Variants in OSBPL10 observed in about 807,000 individuals in gnomAD.
OSBPL10 encodes oxysterol binding protein like 10.
Under a neutral mutation model 81.7 loss-of-function variants are expected in OSBPL10, and 49 were observed. The ratio of observed to expected loss-of-function variants is 0.60; its 90% CI spans 0.48 to 0.76. OSBPL10 has a LOEUF of 0.76. Ranked by LOEUF, OSBPL10 falls within the 30% of genes least tolerant of loss-of-function variation. The pLI, the probability that OSBPL10 is intolerant of heterozygous loss-of-function variation, is 0.00. For missense variants in OSBPL10, 923 were observed against 987.8 expected (o/e 0.93, Z 0.88); for synonymous variants, 419 against 383.6 (o/e 1.09, Z -1.08).
chr3:31,879,999 G>A (rs1277320893), intron 1 of OSBPL10, among the ~76,000 whole-genome samples, 169 bp from the exon 2 acceptor site: 6 of 152,188 alleles, frequency 3.9e-5, no homozygotes, highest in Admixed American at 3.3e-4. Flanking sequence ...AGTAGGGAGA[G>A]AGCACTGGAT....
At chr3:31,917,838 T>TAGTTA (rs966481630) in intron 1 of OSBPL10, among the ~76,000 whole-genome samples, 1 of 151,602 alleles carries the variant, frequency 6.6e-6, no homozygotes, top group Non-Finnish European at 1.5e-5. Context: ...TTATCAGCCT[T>TAGTTA]AGTTAAGGTG....
At chr3:31,897,900 A>G (rs4635746) in intron 1 of OSBPL10, among the ~76,000 whole-genome samples, 91,854 of 150,386 alleles carry the variant, frequency 0.61, 28,733 homozygotes, top group East Asian at 0.8. Context: ...CCCAGCTACT[A>G]GGGAGGCTGA....
At chr3:32,010,798 C>T (rs1030452708) in intron 2 of OSBPL10, among the ~76,000 whole-genome samples, 5 of 152,208 alleles carry the variant, frequency 3.3e-5, no homozygotes, top group African/African-American at 4.8e-5. Flanking sequence ...GATTACATCC[C>T]GTGCCTGGCT....
intron 4 of OSBPL10, among the ~76,000 whole-genome samples, chr3:31,782,102 T>C (rs1698711654): frequency 6.6e-6 from 1 of 152,032 alleles, no homozygotes; most frequent in South Asian, 2.1e-4. Context: ...TATAAAAATA[T>C]GCACATAGAC....
intron 1 of OSBPL10, among the ~76,000 whole-genome samples, chr3:32,069,584 G>A (rs534353986): frequency 2.0e-5 from 3 of 152,260 alleles, no homozygotes; most frequent in South Asian, 2.1e-4. Context: ...CCAGAAGGCC[G>A]CCTTATTCTT....
rs1316556863 is a variant in OSBPL10 at position 31,748,018 on chromosome 3, G to A, written c.832C>T (p.Leu278=). ...AGGGTGGCAGCAGAGGTAGCTTTCAGGAGCAGCAGGTCCTGGTCCAAGGCA... is the reference window on the plus strand; with the variant it reads ...AGGGTGGCAGCAGAGGTAGCTTTCAAGAGCAGCAGGTCCTGGTCCAAGGCA... ...LTALDQDLLL[L]KATSAATLSC... Residue 278 remains leucine, a synonymous_variant, in exon 5 of 12, where the codon CTG becomes TTG. Coordinates refer to ENST00000396556, the MANE Select transcript of OSBPL10 (RefSeq NM_017784.5). 1.2e-6 allele frequency: 2 copies of A among 1,614,068 alleles called. No individual in the cohort carries two copies. The highest frequency in any genetic ancestry group is 1.1e-5 in the South Asian group (1 of 91,086).
At chr3:31,844,584 A>C (rs1700580923) in intron 3 of OSBPL10, among the ~76,000 whole-genome samples, 1 of 152,232 alleles carries the variant, frequency 6.6e-6, no homozygotes, top group African/African-American at 2.4e-5. Context: ...ATAGGAAATA[A>C]TCAGAATAGT....
chr3:31,968,773 T>G (rs1698476200), intron 1 of OSBPL10, among the ~76,000 whole-genome samples: 1 of 152,130 alleles, frequency 6.6e-6, no homozygotes, highest in Non-Finnish European at 1.5e-5. Context: ...AATTCCAAAT[T>G]AACTAAACAA....
chr3:31,972,159 C>T, intron 1 of OSBPL10, among the ~76,000 whole-genome samples: 1 of 152,166 alleles, frequency 6.6e-6, no homozygotes, highest in East Asian at 1.9e-4. Flanking sequence ...GAGGCCAAGG[C>T]GGGCGGATCA....
chr3:31,981,665 A>C, upstream of OSBPL10: 1 of 153,464 alleles, frequency 6.5e-6, no homozygotes, highest in Non-Finnish European at 1.4e-5. This position sits in a 1 kb window ranked among gnomAD's most constrained non-coding sequence, Gnocchi z 4.5. Flanking sequence ...CCCACCCCTT[A>C]TCCACCTCGG....
chr3:31,707,853 A>G (rs558297144), intron 6 of OSBPL10, among the ~76,000 whole-genome samples: 1 of 152,338 alleles, frequency 6.6e-6, no homozygotes, highest in East Asian at 1.9e-4. Flanking sequence ...TCTAGGGGAA[A>G]AGAGTCAACA....
At chr3:31,734,367 A>C (rs1697082661) in intron 5 of OSBPL10, among the ~76,000 whole-genome samples, 1 of 152,200 alleles carries the variant, frequency 6.6e-6, no homozygotes, top group Non-Finnish European at 1.5e-5. Flanking sequence ...ATTGTAGAAC[A>C]TTTTATACAC....
intron 5 of OSBPL10, among the ~76,000 whole-genome samples, chr3:31,738,597 A>G (rs1020442541): frequency 6.6e-6 from 1 of 152,352 alleles, no homozygotes; most frequent in Admixed American, 6.5e-5. Flanking sequence ...ACTGTGGTAC[A>G]TGCTATCTGT....
chr3:32,012,822 A>C (rs2125540357), intron 2 of OSBPL10, among the ~76,000 whole-genome samples: 1 of 152,320 alleles, frequency 6.6e-6, no homozygotes, highest in East Asian at 1.9e-4. Flanking sequence ...ACTTTAAACC[A>C]ACAAAGATCA....
At chr3:31,693,922 C>T (rs1456101680) in intron 7 of OSBPL10, among the ~76,000 whole-genome samples, 2 of 152,056 alleles carry the variant, frequency 1.3e-5, no homozygotes, top group African/African-American at 2.4e-5. Context: ...TGTGTGTTAC[C>T]ACACCTGGCT....
rs371065060 is a variant in OSBPL10, at chr3:32,012,246, G to A, written n.298+34245C>T. On this transcript the variant is annotated intron_variant and non_coding_transcript_variant, in intron 2 of 3. Transcript: ENST00000479173. Reference sequence around the variant, plus strand: ...CCATCAGACTAACAGCTGATCTCTCGGCAGAAACTCTACAAGCCAGAAGAG... The same window carrying A: ...CCATCAGACTAACAGCTGATCTCTCAGCAGAAACTCTACAAGCCAGAAGAG... Among the ~76,000 whole-genome samples, 17 of 152,238 alleles carry A rather than the reference G, an allele frequency of 1.1e-4. 1 individual carries two copies. In the South Asian group the frequency reaches 1.5e-3, roughly 13 times the overall value.
At chr3:31,662,734 C>T in intron 11 of OSBPL10, 1 of 985,422 alleles carries the variant, frequency 1.0e-6, no homozygotes, top group African/African-American at 1.7e-5. Context: ...ACTGGCTTTT[C>T]TTAAACTCAG....
intron 1 of OSBPL10, among the ~76,000 whole-genome samples, chr3:31,968,557 C>T (rs1435352299): frequency 6.6e-6 from 1 of 151,296 alleles, no homozygotes; most frequent in Non-Finnish European, 1.5e-5. Context: ...CTTGATTTCC[C>T]AGATACAAGT....
At chr3:31,920,315 G>T (rs548199610) in intron 1 of OSBPL10, among the ~76,000 whole-genome samples, 11 of 152,266 alleles carry the variant, frequency 7.2e-5, no homozygotes, top group African/African-American at 2.6e-4. Context: ...TTGAAAAGAA[G>T]AATCATTTAG....
Sources: allele counts gnomAD v4.1 joint callset (sites outside exome capture counted in the v4.1 genomes callset), GRCh38; gene constraint gnomAD v4.1.1; non-coding constraint Gnocchi (gnomAD v3.1); transcripts MANE v1.5; gene names NCBI Gene and HGNC (gene_info 2026-07-23, HGNC 2026-07-21).